The following ANKFN1 variants were observed in gnomAD, a reference collection of about 807,000 sequenced individuals.
ANKFN1 encodes ankyrin repeat and fibronectin type-III domain-containing protein 1.
A neutral mutation model predicts 108.7 loss-of-function variants in ANKFN1; 74 were observed. The ratio of observed to expected loss-of-function variants is 0.68; its 90% CI spans 0.56 to 0.83. The LOEUF (loss-of-function observed/expected upper bound fraction) is 0.83, where lower values mean the gene tolerates loss of function less well. Among genes scored for constraint, ANKFN1 ranks in the 40% least tolerant of loss-of-function variants. The pLI is 0.00. For missense variants in ANKFN1, 1,505 were observed against 1,382.3 expected, an observed-to-expected ratio of 1.09 and a Z score of -1.41; for synonymous variants, 547 against 516.2, an observed-to-expected ratio of 1.06 and a Z score of -0.81.
intron 1 of ANKFN1, among the ~76,000 whole-genome samples, chr17:56,156,211 T>C (rs1182624393): frequency 6.6e-6 from 1 of 151,962 alleles, no homozygotes; most frequent in African/African-American, 2.4e-5. Context: ...TCTCGAGTAG[T>C]TGGGACTACA....
chr17:56,362,852 T>G (rs2046557695), intron 6 of ANKFN1, among the ~76,000 whole-genome samples: 1 of 152,070 alleles, frequency 6.6e-6, no homozygotes, highest in Non-Finnish European at 1.5e-5. Context: ...GTACATCCAA[T>G]AAGGGGTTAA....
intron 2 of ANKFN1, chr17:56,225,032 A>T (rs1187904584): frequency 6.6e-6 from 1 of 152,166 alleles, no homozygotes; most frequent in Admixed American, 6.5e-5. Context: ...TTCCCTAGCT[A>T]AAGTCTTCTA....
At chr17:56,441,283 G>T (rs896527883) in intron 9 of ANKFN1, among the ~76,000 whole-genome samples, 8 of 151,896 alleles carry the variant, frequency 5.3e-5, no homozygotes. Context: ...TGTTATTATT[G>T]TTGTTGTTTT....
At chr17:56,170,807 T>TATACACAC (rs1361307404) in intron 1 of ANKFN1, among the ~76,000 whole-genome samples, 132 of 61,448 alleles carry the variant, frequency 2.1e-3, no homozygotes, top group Non-Finnish European at 3.1e-3. Flanking sequence ...TATATATATA[T>TATACACAC]ACACACACAC....
chr17:56,158,071 A>G (rs1909281366), intron 1 of ANKFN1, among the ~76,000 whole-genome samples: 1 of 152,200 alleles, frequency 6.6e-6, no homozygotes, highest in Admixed American at 6.5e-5. Context: ...CAGGCTCATT[A>G]GGCTCCTCCC....
At chr17:56,114,631 C>T (rs1181035870) in intron 4 of ANKFN1, among the ~76,000 whole-genome samples, 1 of 152,176 alleles carries the variant, frequency 6.6e-6, no homozygotes, top group South Asian at 2.1e-4. Context: ...GAATAATGCT[C>T]CTACCCCAAA....
intron 3 of ANKFN1, among the ~76,000 whole-genome samples, chr17:56,229,285 GT>G (rs1916524440): frequency 6.6e-6 from 1 of 152,090 alleles, no homozygotes. Flanking sequence ...AGAAAGTCAC[GT>G]TAGATTTTAT....
chr17:56,070,510 T>C (rs1905105970), intron 4 of ANKFN1, among the ~76,000 whole-genome samples: 2 of 152,276 alleles, frequency 1.3e-5, no homozygotes, highest in African/African-American at 4.8e-5. Context: ...GATCTTTAAT[T>C]ATATCTTTAA....
Position 56,103,243 on chromosome 17 carries a change from G to A in ANKFN1, c.288+56918G>A, listed in dbSNP as rs990445473. Among the ~76,000 whole-genome samples, 3 of 151,794 alleles carry A rather than the reference G, an allele frequency of 2.0e-5. No individual in the cohort carries two copies. The East Asian group carries it at 5.8e-4, about 29-fold the overall frequency. ...CATGCTATGTATCCTGCCTAGAATT[G>A]TACACCCTGAGTTCTGCAGGCTGCA... On this transcript the variant is annotated intron_variant, in intron 4 of 12. Coordinates refer to the ANKFN1 transcript ENST00000635860.
chr17:56,416,078 C>G (rs2145022700), intron 8 of ANKFN1, among the ~76,000 whole-genome samples: 1 of 152,272 alleles, frequency 6.6e-6, no homozygotes, highest in South Asian at 2.1e-4. Context: ...GGATTAAAGA[C>G]TTAAATCTAA....
chr17:56,277,938 C>G (rs563825095), intron 3 of ANKFN1, among the ~76,000 whole-genome samples: 10 of 152,264 alleles, frequency 6.6e-5, no homozygotes, highest in African/African-American at 2.4e-4. Flanking sequence ...ATATATGACT[C>G]TACGAATAAG....
chr17:56,383,251 G>A (rs920336554), intron 8 of ANKFN1, among the ~76,000 whole-genome samples: 1 of 152,022 alleles, frequency 6.6e-6, no homozygotes, highest in African/African-American at 2.4e-5. Context: ...ACGAAATGAA[G>A]GCAGAAATAA....
Position 56,511,100 on chromosome 17 carries a change from A to T in ANKFN1, c.3272A>T (p.Tyr1091Phe). 1 of 1,536,002 alleles carries T rather than the reference A, an allele frequency of 6.5e-7. No individual in the cohort carries two copies. The highest frequency in any genetic ancestry group is 8.7e-7 in the Non-Finnish European group (1 of 1,146,842). The part of the protein sequence containing the change: ...QDARPSVRRL[Y>F]VEPYAAAVVA... ...GCGAGGCCTTCCGTCCGCCGCCTCT[A>T]CGTGGAGCCCTACGCAGCGGCCGTG... is the stretch of plus-strand genomic sequence containing the variant. The change falls in exon 21 of 21, where the codon TAC becomes TTC. Residue 1091 changes from tyrosine to phenylalanine, a missense_variant. Transcript: ENST00000682825.
At chr17:56,473,055 T>C (rs1160411882) in intron 15 of ANKFN1, 1 of 152,178 alleles carries the variant, frequency 6.6e-6, no homozygotes, top group Non-Finnish European at 1.5e-5. Flanking sequence ...AAAACTTGCT[T>C]ACATGATTCT....
intron 8 of ANKFN1, among the ~76,000 whole-genome samples, chr17:56,399,842 TTTA>T (rs1054581257): frequency 2.6e-4 from 11 of 42,542 alleles, no homozygotes; most frequent in African/African-American, 1.1e-3. Context: ...TATTCCATTT[TTTA>T]TATATATATA....
chr17:56,078,486 C>A lies in ANKFN1; in HGVS notation c.288+32161C>A, dbSNP rs1905207052. ...TTAGCTCCCATCTAAAATCCACATA[C>A]CTTTGTTAGCTGTCCATAGTCTTTG... On this transcript the variant is annotated intron_variant, in intron 4 of 12. Transcript: ENST00000635860. Among the ~76,000 whole-genome samples, 3 of 152,202 alleles carry A rather than the reference C, an allele frequency of 2.0e-5. No homozygotes were observed. The South Asian group carries it at 6.2e-4, about 32-fold the overall frequency.
At chr17:56,101,439 C>G (rs184068595) in intron 4 of ANKFN1, among the ~76,000 whole-genome samples, 8 of 152,308 alleles carry the variant, frequency 5.3e-5, no homozygotes, top group African/African-American at 1.9e-4. Flanking sequence ...GTGTCAAAAG[C>G]CATGATTGTT....
At chr17:56,074,671 G>A (rs567909783) in intron 4 of ANKFN1, among the ~76,000 whole-genome samples, 1 of 152,186 alleles carries the variant, frequency 6.6e-6, no homozygotes, top group East Asian at 1.9e-4. Context: ...TTTAATTGCT[G>A]TTCCATCAGC....
At position 56,119,933 on chromosome 17, in the gene ANKFN1, C is replaced by T. The variant is rs1457510660; in HGVS notation, c.288+73608C>T. On this transcript the variant is annotated intron_variant, in intron 4 of 12. Transcript: ENST00000635860. The stretch of plus-strand genomic sequence containing the variant: ...AGACAGCTCCCAATAAATGGCAGCA[C>T]TTATTATTTCACTCCACACAGCTGT... 2.6e-5 allele frequency among the ~76,000 whole-genome samples: 4 copies of T among 152,118 alleles called. No homozygotes were observed. The South Asian group carries it at 6.2e-4, about 24-fold the overall frequency.
Sources: allele counts gnomAD v4.1 joint callset (sites outside exome capture counted in the v4.1 genomes callset), GRCh38; gene constraint gnomAD v4.1.1; transcripts MANE v1.5; gene names NCBI Gene and HGNC (gene_info 2026-07-23, HGNC 2026-07-21).